APBA2: variants seen among roughly 807,000 people sequenced by gnomAD.
APBA2 encodes amyloid-beta A4 precursor protein-binding family A member 2.
A neutral mutation model predicts 75.0 loss-of-function variants in APBA2; 30 were observed. The observed-to-expected ratio is 0.40, with a 90% CI of 0.30 to 0.54. The LOEUF is 0.54. Among genes scored for constraint, APBA2 ranks in the 20% least tolerant of loss-of-function variants. APBA2 has a pLI of 0.49. For missense variants in APBA2, 801 were observed against 1,016.1 expected, an observed-to-expected ratio of 0.79 and a Z score of 2.88; for synonymous variants, 444 against 409.6, an observed-to-expected ratio of 1.08 and a Z score of -1.01.
At chr15:29,022,723 T>G (rs939926184) in intron 3 of APBA2, among the ~76,000 whole-genome samples, 1 of 152,212 alleles carries the variant, frequency 6.6e-6, no homozygotes, top group Admixed American at 6.5e-5. Context: ...TTTCTGCAAT[T>G]GTTTCCTCTG....
chr15:28,935,314 C>T (rs1353637701), intron 2 of APBA2, among the ~76,000 whole-genome samples: 1 of 152,198 alleles, frequency 6.6e-6, no homozygotes, highest in Non-Finnish European at 1.5e-5. Flanking sequence ...GGTTTGGAAA[C>T]GTGTCATCTG....
intron 3 of APBA2, among the ~76,000 whole-genome samples, chr15:29,045,886 C>T (rs1399145012): frequency 6.6e-6 from 1 of 152,192 alleles, no homozygotes; most frequent in East Asian, 1.9e-4. Flanking sequence ...CTGCCCACAT[C>T]AGTTTCACAA....
At chr15:29,109,922 G>A (rs1425176553) in intron 13 of APBA2, among the ~76,000 whole-genome samples, 1 of 151,976 alleles carries the variant, frequency 6.6e-6, no homozygotes, top group East Asian at 1.9e-4. Flanking sequence ...GCCAGGACGA[G>A]TTGTCTGCAC....
At chr15:28,920,731 C>T (rs2033929607) in intron 1 of APBA2, among the ~76,000 whole-genome samples, 1 of 152,212 alleles carries the variant, frequency 6.6e-6, no homozygotes, top group Non-Finnish European at 1.5e-5. Flanking sequence ...TGGCTGTCAG[C>T]TCCCTCGTTT....
At chr15:29,051,924 C>A (rs1335770768) in intron 3 of APBA2, among the ~76,000 whole-genome samples, 1 of 152,188 alleles carries the variant, frequency 6.6e-6, no homozygotes, top group Admixed American at 6.5e-5. Context: ...AGCCACTTCT[C>A]CACTGTCCTC....
At chr15:29,093,036 TCTC>T in intron 6 of APBA2, 36 bp from the exon 7 acceptor site, 1 of 1,613,662 alleles carries the variant, frequency 6.2e-7, no homozygotes, top group Non-Finnish European at 8.5e-7. Context: ...TCAGGGGACT[TCTC>T]CTCTAGGAAG....
chr15:29,031,577 C>A (rs2040489947), intron 3 of APBA2, among the ~76,000 whole-genome samples: 1 of 152,140 alleles, frequency 6.6e-6, no homozygotes, highest in Admixed American at 6.5e-5. Context: ...TCAAGTGATT[C>A]TCTGCCTTAG....
At chr15:28,914,333 C>T (rs1213932749) in intron 1 of APBA2, among the ~76,000 whole-genome samples, 2 of 152,116 alleles carry the variant, frequency 1.3e-5, no homozygotes, top group Non-Finnish European at 2.9e-5. Flanking sequence ...GAAGGGAAAG[C>T]AGGTTTTGGA....
intron 10 of APBA2, among the ~76,000 whole-genome samples, chr15:29,103,625 G>A (rs2044244482): frequency 6.6e-6 from 1 of 152,210 alleles, no homozygotes; most frequent in Non-Finnish European, 1.5e-5. Flanking sequence ...CGGCTCCCCG[G>A]GCTTGGAGCT....
intron 3 of APBA2, among the ~76,000 whole-genome samples, chr15:29,041,085 A>C (rs994351744): frequency 2.0e-5 from 3 of 152,224 alleles, no homozygotes; most frequent in Non-Finnish European, 2.9e-5. Context: ...TTACTGGATG[A>C]GTTCAAAAGC....
At chr15:29,065,238 T>C (rs1225436208) in intron 4 of APBA2, among the ~76,000 whole-genome samples, 1 of 152,056 alleles carries the variant, frequency 6.6e-6, no homozygotes, top group Non-Finnish European at 1.5e-5. Context: ...AGACACCCAG[T>C]TGGCAAAATC....
intron 2 of APBA2, among the ~76,000 whole-genome samples, chr15:28,934,127 A>C (rs1025446908): frequency 1.3e-5 from 2 of 152,200 alleles, no homozygotes; most frequent in Admixed American, 1.3e-4. Flanking sequence ...CAGGACTCAC[A>C]GGCCAGCCAG....
chr15:29,075,033 T>A, intron 5 of APBA2, 32 bp downstream of exon 5: 2 of 1,497,448 alleles, frequency 1.3e-6, no homozygotes, highest in Non-Finnish European at 1.9e-6. Context: ...AGTTCTGGGC[T>A]GGAACACTCA....
At chr15:29,075,999 G>A in intron 5 of APBA2, 56 bp from the exon 6 acceptor site, 1 of 1,535,604 alleles carries the variant, frequency 6.5e-7, no homozygotes, top group South Asian at 1.1e-5. Context: ...CCTTCACCTT[G>A]TGGGCTACCT....
chr15:29,079,354 G>A (rs1296479325), intron 6 of APBA2, among the ~76,000 whole-genome samples: 1 of 152,164 alleles, frequency 6.6e-6, no homozygotes, highest in Admixed American at 6.5e-5. Context: ...AGGCAAACTG[G>A]CGTCTGTCTT....
chr15:28,988,878 A>G (rs146800041), intron 2 of APBA2, among the ~76,000 whole-genome samples: 4,212 of 152,300 alleles, frequency 0.028, 87 homozygotes, highest in Non-Finnish European at 0.042. Context: ...ATTTTATTCC[A>G]AAGTGTGTGG....
intron 13 of APBA2, 152 bp from the exon 14 acceptor site, chr15:29,113,724 A>G (rs1269142302): frequency 2.1e-6 from 2 of 973,142 alleles, no homozygotes; most frequent in East Asian, 2.5e-5. Flanking sequence ...ACTGCATATC[A>G]TAAGGATCTC....
chr15:29,057,684 C>T (rs1445464081), intron 4 of APBA2, among the ~76,000 whole-genome samples: 1 of 152,162 alleles, frequency 6.6e-6, no homozygotes, highest in Non-Finnish European at 1.5e-5. Flanking sequence ...GTGACCTTTC[C>T]ATGATCCATT....
At chr15:29,107,620 A>C (rs2044494623) in intron 12 of APBA2, among the ~76,000 whole-genome samples, 1 of 152,170 alleles carries the variant, frequency 6.6e-6, no homozygotes, top group East Asian at 1.9e-4. Context: ...GCAGCCACAC[A>C]GAGAGACATG....
Sources: allele counts gnomAD v4.1 joint callset (sites outside exome capture counted in the v4.1 genomes callset), GRCh38; gene constraint gnomAD v4.1.1; transcripts MANE v1.5; gene names NCBI Gene and HGNC (gene_info 2026-07-23, HGNC 2026-07-21).